SLC5A10: variants seen among roughly 807,000 people sequenced by gnomAD.
The protein encoded by SLC5A10 is sodium/mannose cotransporter SLC5A10.
In SLC5A10, 55 loss-of-function variants were observed where a neutral mutation model predicts 68.9. The ratio of observed to expected loss-of-function variants is 0.80; its 90% CI spans 0.64 to 1.00. SLC5A10 has a LOEUF of 1.00. Among genes scored for constraint, SLC5A10 ranks in the 50% least tolerant of loss-of-function variants. The pLI, the probability that SLC5A10 is intolerant of heterozygous loss-of-function variation, is 0.00. For missense variants in SLC5A10, 732 were observed against 819.3 expected, an observed-to-expected ratio of 0.89 and a Z score of 1.30; for synonymous variants, 344 against 344.8, an observed-to-expected ratio of 1.00 and a Z score of 0.02.
At chr17:18,973,884 G>GTTTTTTT (rs35778801) in intron 8 of SLC5A10, among the ~76,000 whole-genome samples, 1 of 95,740 alleles carries the variant, frequency 1.0e-5, no homozygotes. Flanking sequence ...TTTTTTTTAA[G>GTTTTTTT]TTTTTTTTTT....
rs2043692123 is a variant in SLC5A10 at position 19,000,124 on chromosome 17, C to T, written c.983-13286C>T. On this transcript the variant is annotated intron_variant, in intron 9 of 14. Transcript: ENST00000395645. The surrounding 1 kb of genome is among the most constrained non-coding windows in gnomAD (Gnocchi z 5.2). ...CCCGTCCTCTGGTATGTAGTTGGAA[C>T]CCCACAGCAGGTTTTTTCCCAGATA... Among the ~76,000 whole-genome samples, 1 of 152,222 alleles carries T rather than the reference C, an allele frequency of 6.6e-6. No individual in the cohort carries two copies. Among genetic ancestry groups the T allele is most frequent in the Non-Finnish European group, 1.5e-5 (1 of 68,036 alleles).
At chr17:18,974,937 CA>C (rs1324677446) in intron 8 of SLC5A10, among the ~76,000 whole-genome samples, 1 of 152,144 alleles carries the variant, frequency 6.6e-6, no homozygotes, top group Non-Finnish European at 1.5e-5. Flanking sequence ...ATCTGACAGT[CA>C]GGGGTGGGGA....
chr17:18,963,950 G>A (rs2042661458), intron 5 of SLC5A10, among the ~76,000 whole-genome samples: 1 of 152,094 alleles, frequency 6.6e-6, no homozygotes. Context: ...GCCCCCACCC[G>A]CTCCAGCCAC....
chr17:18,951,903 A>G (rs2042374305), upstream of SLC5A10: 2 of 380,942 alleles, frequency 5.3e-6, no homozygotes, highest in South Asian at 3.5e-5. Context: ...CTCCGGGTCC[A>G]CTAAATGCGG....
chr17:19,016,336 C>A (rs978185961), intron 11 of SLC5A10, among the ~76,000 whole-genome samples: 2 of 152,182 alleles, frequency 1.3e-5, no homozygotes, highest in African/African-American at 4.8e-5. Flanking sequence ...GTGTGCCCAG[C>A]CCATCCTATC....
intron 5 of SLC5A10, among the ~76,000 whole-genome samples, chr17:18,961,228 G>C (rs1488067130): frequency 6.6e-6 from 1 of 152,202 alleles, no homozygotes; most frequent in Non-Finnish European, 1.5e-5. Context: ...AAGGCCCAGA[G>C]AAGGGAAAGA....
rs191478464 is a variant in SLC5A10, at chr17:18,989,457, G to A, written c.982+12468G>A. On this transcript the variant is annotated intron_variant, in intron 9 of 14. Transcript: ENST00000395645. ...TCCTCCTGGGCCTCAGGCCCCCATC[G>A]TTCACCTGGCACCAAAGCCCAAACT... 4.2e-3 allele frequency among the ~76,000 whole-genome samples: 633 copies of A among 152,294 alleles called. 5 individuals carry two copies. The highest frequency in any genetic ancestry group is 0.014 in the African/African-American group (580 of 41,556).
Position 18,952,189 on chromosome 17 carries a change from C to G in SLC5A10, c.-17C>G, listed in dbSNP as rs200704296. On this transcript the variant is annotated 5_prime_UTR_variant, in exon 1 of 15. Transcript: ENST00000395645. ...CAGTCCCTCGGGCTCATACCTAGTG[C>G]CTGCGGCAGGACAGCCATGGCCGCC... is the stretch of plus-strand genomic sequence containing the variant. 725 of 1,609,614 alleles carry G rather than the reference C, an allele frequency of 4.5e-4. 4 individuals are homozygous for G. In the Middle Eastern group the frequency reaches 6.4e-3, roughly 14 times the overall value.
intron 5 of SLC5A10, among the ~76,000 whole-genome samples, chr17:18,963,073 G>T (rs1032722807): frequency 1.2e-4 from 18 of 152,338 alleles, no homozygotes; most frequent in Admixed American, 4.6e-4. Flanking sequence ...AAAAAAATTA[G>T]CCAAATGTGG....
rs1361849561 is a variant in SLC5A10 at position 19,004,004 on chromosome 17, T to C, written c.983-9406T>C. On this transcript the variant is annotated intron_variant, in intron 9 of 14. Transcript: ENST00000395645. The surrounding 1 kb of genome is among the most constrained non-coding windows in gnomAD (Gnocchi z 5.4). The stretch of plus-strand genomic sequence containing the variant: ...GGACTCGCTGGAGCGCCAGTTCACA[T>C]GGTTGTCGTCCAGACACTGCACCTG... The C allele has an allele frequency of 5.0e-6, 8 of 1,611,140 alleles. No individual in the cohort carries two copies. The highest frequency in any genetic ancestry group is 5.9e-6 in the Non-Finnish European group (7 of 1,179,086).
At chr17:19,019,649 G>T in intron 12 of SLC5A10, 58 bp downstream of exon 12, 2 of 1,603,366 alleles carry the variant, frequency 1.2e-6, no homozygotes, top group South Asian at 2.2e-5. Context: ...CTTCCCTGCT[G>T]CCTGTGGGGG....
At chr17:18,972,779 G>A (rs570396443) in intron 8 of SLC5A10, among the ~76,000 whole-genome samples, 146 of 152,096 alleles carry the variant, frequency 9.6e-4, no homozygotes, top group African/African-American at 3.3e-3. Context: ...GGAGAATGGC[G>A]TGAGCCCAGG....
chr17:19,018,839 G>A lies in SLC5A10; in HGVS notation c.1242-584G>A, dbSNP rs1302026825. ...TGTCGGGGTGGGGATGTGCCAGCCA[G>A]AGGTCCCAGCTCCCACAAATGCCGG... On this transcript the variant is annotated intron_variant, in intron 11 of 14. Transcript: ENST00000395645. The surrounding 1 kb of genome is among the most constrained non-coding windows in gnomAD (Gnocchi z 4.2). 1 of 152,512 alleles carries A rather than the reference G, an allele frequency of 6.6e-6. No homozygotes were observed. The highest frequency in any genetic ancestry group is 1.9e-4 in the East Asian group (1 of 5,208). The allele number at this position is 152,512 out of a possible 1,614,324, so 9.4% of individuals were successfully genotyped here.
At chr17:18,965,281 A>G (rs2151996613) in intron 5 of SLC5A10, among the ~76,000 whole-genome samples, 1 of 152,156 alleles carries the variant, frequency 6.6e-6, no homozygotes, top group African/African-American at 2.4e-5. Context: ...GAGTGTGGCA[A>G]AGGGGAGCCC....
In SLC5A10 at chr17:19,020,623, G is replaced by A; in HGVS notation, c.*192G>A. On this transcript the variant is annotated 3_prime_UTR_variant, in exon 15 of 15. Coordinates refer to ENST00000395645, the MANE Select transcript of SLC5A10 (RefSeq NM_001042450.4). ...GGGGGGAAATGGGAGAAAATAATGT[G>A]ACATTTCAAAAACAGCACCAAAGCA... 1 of 589,404 alleles carries A rather than the reference G, an allele frequency of 1.7e-6. No homozygotes were observed. 36.5% of individuals were successfully genotyped at this position (589,404 alleles called of 1,614,324 possible).
chr17:18,984,885 C>A lies in SLC5A10; in HGVS notation c.982+7896C>A, dbSNP rs528516483. Among the ~76,000 whole-genome samples the A allele has an allele frequency of 4.6e-5, 7 of 152,380 alleles. No homozygotes were observed. In the South Asian group the frequency reaches 1.4e-3, roughly 32 times the overall value. The stretch of plus-strand genomic sequence containing the variant: ...ATTCCCATACTCCCACATGGAGGGC[C>A]ACTGGGGCCGGCCAGGGCAACCGGC... On this transcript the variant is annotated intron_variant, in intron 9 of 14. Transcript: ENST00000395645.
In SLC5A10 at chr17:18,996,061, A is replaced by G. The variant is rs73981273; in HGVS notation, c.983-17349A>G. Among the ~76,000 whole-genome samples, 10,709 of 152,068 alleles carry G rather than the reference A, an allele frequency of 0.07. 710 individuals are homozygous for G. Among genetic ancestry groups the G allele is most frequent in the South Asian group, 0.32 (1,541 of 4,816 alleles). ...AGAAAAGACAACTGCATGTCAAGGA[A>G]CAAAGTAAGTGGACTTCTCATCAGA... is the stretch of plus-strand genomic sequence containing the variant. On this transcript the variant is annotated intron_variant, in intron 9 of 14. Coordinates refer to ENST00000395645, the MANE Select transcript of SLC5A10 (RefSeq NM_001042450.4). The surrounding 1 kb of genome is among the most constrained non-coding windows in gnomAD (Gnocchi z 4.4).
At chr17:18,959,910 C>T (rs547903238) in intron 4 of SLC5A10, among the ~76,000 whole-genome samples, 71 of 152,272 alleles carry the variant, frequency 4.7e-4, no homozygotes, top group African/African-American at 1.7e-3. Context: ...TTTCCACTGC[C>T]CTGAGTGCTG....
At chr17:18,976,756 T>C in intron 8 of SLC5A10, 98 bp from the exon 9 acceptor site, 1 of 1,481,466 alleles carries the variant, frequency 6.8e-7, no homozygotes, top group East Asian at 2.4e-5. Flanking sequence ...TGGGACATCA[T>C]CGTGCCTCAT....
Sources: gnomAD v4.1 joint callset for allele counts (sites outside exome capture counted in the v4.1 genomes callset) on GRCh38, gnomAD v4.1.1 for gene constraint, Gnocchi (gnomAD v3.1) non-coding constraint, MANE v1.5 for transcripts, NCBI Gene and HGNC (gene_info 2026-07-23, HGNC 2026-07-21) for gene names.